RTN4RL1: variants seen among roughly 807,000 people sequenced by gnomAD.
RTN4RL1 encodes the protein reticulon 4 receptor like 1.
In RTN4RL1, 7 loss-of-function variants were observed where a neutral mutation model predicts 25.6. The ratio of observed to expected loss-of-function variants is 0.27; its 90% CI spans 0.16 to 0.51. The LOEUF (loss-of-function observed/expected upper bound fraction) is 0.51, where lower values mean the gene tolerates loss of function less well. Among genes scored for constraint, RTN4RL1 ranks in the 20% least tolerant of loss-of-function variants. The pLI is 0.97. For missense variants in RTN4RL1, 500 were observed against 615.6 expected (o/e 0.81, Z 1.99); for synonymous variants, 297 against 288.2 (o/e 1.03, Z -0.31).
intron 1 of RTN4RL1, among the ~76,000 whole-genome samples, chr17:1,972,976 G>A (rs1160683501): frequency 6.6e-6 from 1 of 152,322 alleles, no homozygotes; most frequent in East Asian, 1.9e-4. Context: ...GCTCCAGCGG[G>A]GATATCAGGT....
At chr17:1,990,903 G>A (rs960513922) in intron 1 of RTN4RL1, among the ~76,000 whole-genome samples, 2 of 152,148 alleles carry the variant, frequency 1.3e-5, no homozygotes, top group East Asian at 3.8e-4. Context: ...GAGACGGTGT[G>A]CACACAGCCC....
chr17:1,980,722 G>A lies in RTN4RL1; in HGVS notation c.14-42914C>T, dbSNP rs1027574007. ...GCGGGCGGATCACCTGAGGTCAGGA[G>A]TTCAAGACCAGCCTGGCCAACATGG... On this transcript the variant is annotated intron_variant, in intron 1 of 1. Transcript: ENST00000331238. Among the ~76,000 whole-genome samples the A allele has an allele frequency of 2.0e-5, 3 of 151,976 alleles. No individual in the cohort carries two copies. In the East Asian group the frequency reaches 5.8e-4, roughly 29 times the overall value.
At chr17:1,938,366 G>T (rs2151303941) in intron 1 of RTN4RL1, among the ~76,000 whole-genome samples, 1 of 152,032 alleles carries the variant, frequency 6.6e-6, no homozygotes, top group East Asian at 1.9e-4. Flanking sequence ...GCAGTGGCGG[G>T]ATCTGGGCTC....
intron 1 of RTN4RL1, among the ~76,000 whole-genome samples, chr17:2,011,576 A>G (rs2067050483): frequency 2.0e-5 from 3 of 152,192 alleles, no homozygotes; most frequent in Admixed American, 2.0e-4. Context: ...AGGCCAGGGC[A>G]GAGAGGCCAG....
At position 1,989,957 on chromosome 17, in the gene RTN4RL1, CA is replaced by C. The variant is rs376696482; in HGVS notation, c.13+34895del. ...GCAAGACAGCAAGACCCTGTCTCTA[CA>C]AAAAAAAACAAAACAAAAAACAAAG... On this transcript the variant is annotated intron_variant, in intron 1 of 1. Transcript: ENST00000331238. Among the ~76,000 whole-genome samples, 72 of 146,990 alleles carry C rather than the reference CA, an allele frequency of 4.9e-4. 1 individual carries two copies. The South Asian group carries it at 0.014, about 29-fold the overall frequency.
At chr17:1,968,082 C>T (rs559059349) in intron 1 of RTN4RL1, among the ~76,000 whole-genome samples, 29 of 152,256 alleles carry the variant, frequency 1.9e-4, no homozygotes, top group African/African-American at 6.7e-4. Flanking sequence ...ATGGGCACCT[C>T]TTCTCATTTT....
chr17:1,937,238 C>G lies in RTN4RL1; in HGVS notation c.584G>C (p.Gly195Ala), dbSNP rs1432751867. Residue 195 changes from glycine to alanine, a missense_variant, in exon 2 of 2, where the codon GGC becomes GCC. Gly to Ala is a moderately conservative substitution (Grantham distance 60, BLOSUM62 0). Around this residue, in one of 2 missense-constraint regions of RTN4RL1, gnomAD observed 232 missense variants for 341.1 expected, o/e 0.68. Coordinates refer to ENST00000331238, the MANE Select transcript of RTN4RL1 (RefSeq NM_178568.4). ...LWSLGPGTFR[G>A]LVNLDRLLLH... ...CAAAAGACGGTCCAGGTTCACCAGGCCCCGGAAGGTGCCCGGGCCCAGACT... is the reference window on the plus strand; with the variant it reads ...CAAAAGACGGTCCAGGTTCACCAGGGCCCGGAAGGTGCCCGGGCCCAGACT... 1.2e-6 allele frequency: 2 copies of G among 1,612,012 alleles called. No individual in the cohort carries two copies. The highest frequency in any genetic ancestry group is 2.7e-5 in the African/African-American group (2 of 74,924).
At chr17:1,992,964 C>T (rs967669322) in intron 1 of RTN4RL1, among the ~76,000 whole-genome samples, 4 of 152,104 alleles carry the variant, frequency 2.6e-5, no homozygotes, top group African/African-American at 7.2e-5. Flanking sequence ...AGGTGAGGGC[C>T]GGGCGCGGTG....
Position 1,998,265 on chromosome 17 carries a change from A to G in RTN4RL1, c.13+26588T>C, listed in dbSNP as rs1027228578. Among the ~76,000 whole-genome samples the G allele has an allele frequency of 2.0e-5, 3 of 152,064 alleles. No individual in the cohort carries two copies. The highest frequency in any genetic ancestry group is 7.2e-5 in the African/African-American group (3 of 41,434). ...GAGCTGCAGGGCGAGGGCGGTGCCC[A>G]GACCCGGCGCCCCAAGGCCTCCCGC... On this transcript the variant is annotated intron_variant, in intron 1 of 1. Coordinates refer to ENST00000331238, the MANE Select transcript of RTN4RL1 (RefSeq NM_178568.4). This position sits in a 1 kb window ranked among gnomAD's most constrained non-coding sequence, Gnocchi z 4.9.
intron 1 of RTN4RL1, among the ~76,000 whole-genome samples, chr17:2,024,151 T>C (rs12949958): frequency 0.056 from 8,494 of 152,260 alleles, 319 homozygotes; most frequent in East Asian, 0.14. Flanking sequence ...GCCGGGCTGC[T>C]GGGGCGTCTA....
intron 1 of RTN4RL1, among the ~76,000 whole-genome samples, chr17:1,958,636 C>T (rs777401322): frequency 3.9e-5 from 6 of 152,218 alleles, no homozygotes; most frequent in Non-Finnish European, 8.8e-5. Flanking sequence ...CTAGTAACCC[C>T]AGGGGATACT....
At chr17:1,982,975 C>T (rs936664807) in intron 1 of RTN4RL1, among the ~76,000 whole-genome samples, 1 of 152,160 alleles carries the variant, frequency 6.6e-6, no homozygotes, top group East Asian at 1.9e-4. Flanking sequence ...GGCAGCAACC[C>T]GCAAACTGGG....
intron 1 of RTN4RL1, among the ~76,000 whole-genome samples, chr17:1,961,923 G>C (rs1038486262): frequency 3.3e-5 from 5 of 149,778 alleles, no homozygotes; most frequent in Non-Finnish European, 7.4e-5. Context: ...ACTCCAGCCT[G>C]GGCTACAGAG....
intron 1 of RTN4RL1, among the ~76,000 whole-genome samples, chr17:1,974,891 C>A (rs2151314468): frequency 1.3e-5 from 2 of 152,366 alleles, no homozygotes; most frequent in South Asian, 4.1e-4. Context: ...GATGGAAGGG[C>A]AAATGGGATG....
chr17:1,948,817 G>A (rs867011112), intron 1 of RTN4RL1, among the ~76,000 whole-genome samples: 39 of 147,966 alleles, frequency 2.6e-4, no homozygotes, highest in Middle Eastern at 6.9e-3. Context: ...TTTTTTTTTT[G>A]AGACAATCTC....
At chr17:1,958,821 C>T (rs1915841586) in intron 1 of RTN4RL1, among the ~76,000 whole-genome samples, 1 of 152,214 alleles carries the variant, frequency 6.6e-6, no homozygotes, top group Admixed American at 6.5e-5. Context: ...CCTTTTCCCC[C>T]CAATAATGAG....
At chr17:1,943,997 C>T (rs1340988734) in intron 1 of RTN4RL1, among the ~76,000 whole-genome samples, 1 of 152,146 alleles carries the variant, frequency 6.6e-6, no homozygotes, top group Non-Finnish European at 1.5e-5. Context: ...ACAATCATAG[C>T]TCACTGCAAC....
intron 1 of RTN4RL1, among the ~76,000 whole-genome samples, chr17:2,010,113 C>A (rs2067032742): frequency 7.8e-6 from 1 of 127,566 alleles, no homozygotes; most frequent in Non-Finnish European, 1.6e-5. Flanking sequence ...TGGTCACCCT[C>A]TGTTCTTCAA....
chr17:1,961,955 A>AAAAAG (rs1375741311), intron 1 of RTN4RL1, among the ~76,000 whole-genome samples: 4 of 126,508 alleles, frequency 3.2e-5, no homozygotes, highest in South Asian at 2.5e-4. Flanking sequence ...CTCAAAAAAA[A>AAAAAG]AAAAGAAAAG....
Sources: allele counts gnomAD v4.1 joint callset (sites outside exome capture counted in the v4.1 genomes callset), GRCh38; gene constraint gnomAD v4.1.1; regional missense constraint gnomAD v4.1.1; non-coding constraint Gnocchi (gnomAD v3.1); transcripts MANE v1.5; gene names NCBI Gene and HGNC (gene_info 2026-07-23, HGNC 2026-07-21).